Variants in TNFRSF19 observed in about 807,000 individuals in gnomAD.
TNFRSF19 encodes the protein TNF receptor superfamily member 19.
A neutral mutation model predicts 46.4 loss-of-function variants in TNFRSF19; 27 were observed. The observed-to-expected ratio is 0.58, with a 90% CI of 0.43 to 0.80. The LOEUF (loss-of-function observed/expected upper bound fraction) is 0.80. Among genes scored for constraint, TNFRSF19 ranks in the 30% least tolerant of loss-of-function variants. The probability of loss-of-function intolerance (pLI) is 0.00; values close to 1 mark genes in which losing one functional copy is unlikely to be tolerated. For synonymous variants in TNFRSF19, 204 were observed against 205.0 expected, an observed-to-expected ratio of 1.00 and a Z score of 0.04; for missense variants, 511 against 530.8, an observed-to-expected ratio of 0.96 and a Z score of 0.37.
At chr13:23,650,963 G>T (rs1883593437) in intron 5 of TNFRSF19, among the ~76,000 whole-genome samples, 1 of 152,240 alleles carries the variant, frequency 6.6e-6, no homozygotes, top group Non-Finnish European at 1.5e-5. Context: ...CAACTATTTT[G>T]TTTATTGGCA....
At chr13:23,624,407 T>C (rs769429898) in intron 4 of TNFRSF19, among the ~76,000 whole-genome samples, 29 of 152,150 alleles carry the variant, frequency 1.9e-4, no homozygotes, top group Non-Finnish European at 3.7e-4. Context: ...CACTGTATTA[T>C]ATATCCTTTG....
At chr13:23,594,906 C>T (rs1566171857) in intron 3 of TNFRSF19, among the ~76,000 whole-genome samples, 3 of 152,164 alleles carry the variant, frequency 2.0e-5, no homozygotes, top group South Asian at 4.1e-4. Context: ...GACGAAGCTT[C>T]CAGAGGAAGG....
intron 5 of TNFRSF19, among the ~76,000 whole-genome samples, chr13:23,651,023 ATT>A (rs1883596973): frequency 6.6e-6 from 1 of 152,176 alleles, no homozygotes; most frequent in East Asian, 1.9e-4. Flanking sequence ...TTACATAGAT[ATT>A]TTTGCTTAAC....
intron 1 of TNFRSF19, among the ~76,000 whole-genome samples, chr13:23,587,568 GTC>G (rs3838830): frequency 0.3 from 46,188 of 151,882 alleles, 7,099 homozygotes; most frequent in South Asian, 0.36. Context: ...TGCATTATGT[GTC>G]TCTCATCAGT....
At chr13:23,640,511 T>TG (rs1882973212) in intron 5 of TNFRSF19, among the ~76,000 whole-genome samples, 1 of 152,220 alleles carries the variant, frequency 6.6e-6, no homozygotes. Flanking sequence ...AGGCACCAGA[T>TG]GAGCTGCTCT....
intron 5 of TNFRSF19, among the ~76,000 whole-genome samples, chr13:23,640,211 C>T (rs1046332326): frequency 1.3e-5 from 2 of 152,112 alleles, no homozygotes; most frequent in South Asian, 2.1e-4. Flanking sequence ...GGTCTTGATT[C>T]GACAGGGAAC....
intron 2 of TNFRSF19, 35 bp from the exon 3 acceptor site, chr13:23,593,310 T>C (rs1879450250): frequency 7.3e-7 from 1 of 1,368,814 alleles, no homozygotes; most frequent in Non-Finnish European, 1.0e-6. Flanking sequence ...TTTAACATAC[T>C]TTAAGATAAC....
intron 5 of TNFRSF19, among the ~76,000 whole-genome samples, chr13:23,627,889 C>A (rs1286912290): frequency 6.6e-6 from 1 of 152,112 alleles, no homozygotes; most frequent in Non-Finnish European, 1.5e-5. Flanking sequence ...GCATTATTTT[C>A]TATTCTTCAT....
chr13:23,592,900 A>G (rs1441313839), intron 2 of TNFRSF19, among the ~76,000 whole-genome samples: 1 of 152,126 alleles, frequency 6.6e-6, no homozygotes, highest in Non-Finnish European at 1.5e-5. Context: ...ATATGTTTAT[A>G]TTTCTTAGAT....
At chr13:23,645,874 C>A (rs1883300444) in intron 5 of TNFRSF19, among the ~76,000 whole-genome samples, 1 of 151,850 alleles carries the variant, frequency 6.6e-6, no homozygotes, top group Non-Finnish European at 1.5e-5. Flanking sequence ...ATGTTTTATA[C>A]CTCCTTCCTC....
chr13:23,668,795 A>G lies in TNFRSF19; in HGVS notation c.943A>G (p.Met315Val). ...TGCCTGGCCTCTGATGCAGAATCCCATGGGTGGTGACAACATCTCTTTTTG... is the reference window on the plus strand; with the variant it reads ...TGCCTGGCCTCTGATGCAGAATCCCGTGGGTGGTGACAACATCTCTTTTTG... ...SDAWPLMQNP[M>V]GGDNISFCDS... The change falls in exon 9 of 10, where the codon ATG (methionine) becomes GTG (valine). Residue 315 changes from methionine (M) to valine (V), a missense_variant. Transcript: ENST00000248484. 1 of 1,614,224 alleles carries G rather than the reference A, an allele frequency of 6.2e-7. No homozygotes were observed. Among genetic ancestry groups the G allele is most frequent in the South Asian group, 1.1e-5 (1 of 91,080 alleles).
rs187364941 is a variant in TNFRSF19 at position 23,597,573 on chromosome 13, A to C, written c.180+4118A>C. On this transcript the variant is annotated intron_variant, in intron 3 of 9. Coordinates refer to ENST00000248484, the MANE Select transcript of TNFRSF19 (RefSeq NM_148957.4). ...AAGAAGTTAAATCCCTGAATAGACC[A>C]ATAACAAGTTCTGAAATTGAGGCAA... Among the ~76,000 whole-genome samples, 5 of 151,862 alleles carry C rather than the reference A, an allele frequency of 3.3e-5. No individual in the cohort carries two copies. In the East Asian group the frequency reaches 9.6e-4, roughly 29 times the overall value.
chr13:23,666,630 A>G (rs948186617), intron 7 of TNFRSF19, among the ~76,000 whole-genome samples: 2 of 152,206 alleles, frequency 1.3e-5, no homozygotes, highest in Non-Finnish European at 2.9e-5. Flanking sequence ...TTTATCGTGT[A>G]CTTTCCCTAG....
chr13:23,648,388 G>C (rs1593285435), intron 5 of TNFRSF19, among the ~76,000 whole-genome samples: 1 of 151,972 alleles, frequency 6.6e-6, no homozygotes, highest in African/African-American at 2.4e-5. Flanking sequence ...TTCTTAAATT[G>C]TTCATGCCTA....
At chr13:23,645,238 T>A (rs1196951986) in intron 5 of TNFRSF19, among the ~76,000 whole-genome samples, 1 of 152,228 alleles carries the variant, frequency 6.6e-6, no homozygotes, top group Non-Finnish European at 1.5e-5. Context: ...AGTCTCACTA[T>A]GTTGCCCAGG....
chr13:23,625,723 T>C (rs1881957877), intron 4 of TNFRSF19, among the ~76,000 whole-genome samples: 2 of 152,290 alleles, frequency 1.3e-5, no homozygotes, highest in Admixed American at 1.3e-4. Context: ...AACTATTTTA[T>C]TGAGTTCTAG....
rs748544242 is a variant in TNFRSF19 at position 23,660,501 on chromosome 13, C to T, written c.736+11C>T. ...CAGTGCAGACCTGCGGTAAGTTCAG[C>T]AGGGAAGTGCCGTTAGGAGGACTGG... On this transcript the variant is annotated intron_variant, in intron 7 of 9. Transcript: ENST00000248484. 1 of 1,611,116 alleles carries T rather than the reference C, an allele frequency of 6.2e-7. No homozygotes were observed.
intron 5 of TNFRSF19, among the ~76,000 whole-genome samples, chr13:23,648,478 G>A (rs1289528500): frequency 6.6e-6 from 1 of 152,182 alleles, no homozygotes; most frequent in Non-Finnish European, 1.5e-5. Flanking sequence ...AGTTCTAACA[G>A]TTTTTTGTGG....
chr13:23,665,472 T>C (rs1481239596), intron 7 of TNFRSF19, among the ~76,000 whole-genome samples: 1 of 152,206 alleles, frequency 6.6e-6, no homozygotes, highest in Non-Finnish European at 1.5e-5. Context: ...TTTTTTCCCT[T>C]TAACTTTTTA....
Sources: allele counts gnomAD v4.1 joint callset (sites outside exome capture counted in the v4.1 genomes callset), GRCh38; gene constraint gnomAD v4.1.1; transcripts MANE v1.5; gene names NCBI Gene and HGNC (gene_info 2026-07-23, HGNC 2026-07-21).